The following MECOM variants were observed in gnomAD, a reference collection of about 807,000 sequenced individuals.
The protein encoded by MECOM is histone-lysine N-methyltransferase MECOM.
MECOM carries 13 observed loss-of-function variants against 116.3 expected under a neutral mutation model. The observed-to-expected ratio is 0.11, with a 90% CI of 0.07 to 0.18. The LOEUF (loss-of-function observed/expected upper bound fraction) is 0.18. Among genes scored for constraint, MECOM ranks in the 10% least tolerant of loss-of-function variants. The probability of loss-of-function intolerance (pLI) is 1.00; values close to 1 mark genes in which losing one functional copy is unlikely to be tolerated. For missense variants in MECOM, 1,299 were observed against 1,509.0 expected (o/e 0.86, Z 2.31); for synonymous variants, 528 against 535.2 (o/e 0.99, Z 0.19).
Position 169,115,576 on chromosome 3 carries a change from C to G in MECOM, c.2296G>C (p.Ala766Pro). The G allele has an allele frequency of 6.2e-7, 1 of 1,614,100 alleles. No individual in the cohort carries two copies. The highest frequency in any genetic ancestry group is 8.5e-7 in the Non-Finnish European group (1 of 1,180,026). Residue 766 changes from alanine to proline, a missense_variant, in exon 8 of 17, where the codon GCC (alanine) becomes CCC (proline). Around this residue, in one of 6 missense-constraint regions of MECOM, gnomAD observed 340 missense variants for 312.6 expected, o/e 1.09. Transcript: ENST00000651503. ...PVPSKPPVTP[A>P]TSQDQPLDLS... ...TCCAGGGGCTGGTCTTGGCTTGTGG[C>G]AGGTGTCACTGGAGGCTTGGAGGGG...
intron 1 of MECOM, among the ~76,000 whole-genome samples, chr3:169,392,753 T>C (rs1305672330): frequency 6.6e-6 from 1 of 152,194 alleles, no homozygotes; most frequent in African/African-American, 2.4e-5. Context: ...ACCTCTATCC[T>C]TAAGTTTGCT....
In MECOM at chr3:169,296,298, A is replaced by G. The variant is rs574948385; in HGVS notation, c.375+84889T>C. Reference sequence around the variant, plus strand: ...CAGCAGGACAGACAAGTGGCATCCTATAACACTCCCAGATCTGTGAGAACA... The same window carrying G: ...CAGCAGGACAGACAAGTGGCATCCTGTAACACTCCCAGATCTGTGAGAACA... On this transcript the variant is annotated intron_variant, in intron 2 of 16. Transcript: ENST00000651503. Among the ~76,000 whole-genome samples the G allele has an allele frequency of 3.9e-5, 6 of 152,306 alleles. No homozygotes were observed. In the South Asian group the frequency reaches 1.2e-3, roughly 32 times the overall value.
chr3:169,559,066 AC>A (rs1262200763), intron 1 of MECOM, among the ~76,000 whole-genome samples: 2 of 151,888 alleles, frequency 1.3e-5, no homozygotes, highest in Non-Finnish European at 2.9e-5. Flanking sequence ...ACACACACAC[AC>A]AAGTATGCAT....
At chr3:169,630,904 G>A (rs962637688) in intron 1 of MECOM, among the ~76,000 whole-genome samples, 2 of 152,202 alleles carry the variant, frequency 1.3e-5, no homozygotes, top group South Asian at 4.1e-4. Context: ...AATTACAGGC[G>A]TGAGCCACTC....
chr3:169,471,492 T>C (rs976745483), intron 1 of MECOM, among the ~76,000 whole-genome samples: 4 of 152,186 alleles, frequency 2.6e-5, no homozygotes, highest in Non-Finnish European at 5.9e-5. Flanking sequence ...AGAACACTGA[T>C]GAAAACTAAG....
At chr3:169,328,591 CTA>C (rs1211873328) in intron 2 of MECOM, among the ~76,000 whole-genome samples, 1 of 152,164 alleles carries the variant, frequency 6.6e-6, no homozygotes, top group East Asian at 1.9e-4. Context: ...TAACCAATGT[CTA>C]TGAATGTATA....
chr3:169,310,365 G>T (rs1236296599), intron 2 of MECOM, among the ~76,000 whole-genome samples: 1 of 152,126 alleles, frequency 6.6e-6, no homozygotes, highest in African/African-American at 2.4e-5. Context: ...TTATGAAATC[G>T]CTGATACTCA....
chr3:169,371,363 G>A (rs1214524123), intron 2 of MECOM, among the ~76,000 whole-genome samples: 1 of 151,906 alleles, frequency 6.6e-6, no homozygotes, highest in African/African-American at 2.4e-5. Flanking sequence ...GGAGGTAGGG[G>A]AAATGGGGAG....
At chr3:169,137,472 T>C (rs1235396165) in intron 3 of MECOM, among the ~76,000 whole-genome samples, 1 of 152,136 alleles carries the variant, frequency 6.6e-6, no homozygotes, top group East Asian at 1.9e-4. Flanking sequence ...CAGAGATTGA[T>C]GACTGAACAT....
intron 2 of MECOM, among the ~76,000 whole-genome samples, chr3:169,288,690 C>CTG (rs776240046): frequency 7.2e-5 from 11 of 151,900 alleles, no homozygotes; most frequent in Admixed American, 2.0e-4. Flanking sequence ...GCGTGTGCGT[C>CTG]TGTGTGTGTG....
intron 2 of MECOM, among the ~76,000 whole-genome samples, chr3:169,259,273 A>G (rs1309714402): frequency 1.3e-5 from 2 of 152,122 alleles, no homozygotes; most frequent in Admixed American, 6.5e-5. Flanking sequence ...ACAACTGTTC[A>G]TAGTTAAATC....
chr3:169,647,860 C>A (rs1345614798), intron 1 of MECOM, among the ~76,000 whole-genome samples: 1 of 152,202 alleles, frequency 6.6e-6, no homozygotes, highest in South Asian at 2.1e-4. Context: ...TAATGCCCTG[C>A]AGAAGGATAC....
At chr3:169,593,088 G>A (rs1003160569) in intron 1 of MECOM, among the ~76,000 whole-genome samples, 4 of 152,080 alleles carry the variant, frequency 2.6e-5, no homozygotes, top group Admixed American at 1.3e-4. Context: ...AAGGGGTCTC[G>A]CTATGTTGCC....
At chr3:169,301,751 T>C (rs916168279) in intron 2 of MECOM, among the ~76,000 whole-genome samples, 3 of 152,228 alleles carry the variant, frequency 2.0e-5, no homozygotes, top group African/African-American at 4.8e-5. Context: ...GTAAAGTATA[T>C]TTATAGGATT....
chr3:169,217,393 C>T (rs1751544738), intron 2 of MECOM, among the ~76,000 whole-genome samples: 2 of 152,192 alleles, frequency 1.3e-5, no homozygotes, highest in East Asian at 3.9e-4. Context: ...TAACACTGCT[C>T]AAGTTCAGAA....
Position 169,454,387 on chromosome 3 carries a change from C to T in MECOM, c.38-72863G>A, listed in dbSNP as rs1380728325. Among the ~76,000 whole-genome samples, 3 of 53,972 alleles carry T rather than the reference C, an allele frequency of 5.6e-5. No individual in the cohort carries two copies. The South Asian group carries it at 2.7e-3, about 48-fold the overall frequency. The allele number at this position is 53,972 out of a possible 152,430, so 35.4% of individuals were successfully genotyped here. On this transcript the variant is annotated intron_variant, in intron 1 of 16. Coordinates refer to ENST00000651503, the MANE Select transcript of MECOM (RefSeq NM_004991.4). The stretch of plus-strand genomic sequence containing the variant: ...TGATGGTAATGTAGCAACTTTCTTT[C>T]AGGAAAAAAAAAAAAAAAAAAAGCC...
intron 2 of MECOM, among the ~76,000 whole-genome samples, chr3:169,333,777 C>T (rs922644249): frequency 6.6e-6 from 1 of 152,062 alleles, no homozygotes. Context: ...TTCTACATAA[C>T]AACTGTGCTT....
chr3:169,586,003 CA>C (rs1305278667), intron 1 of MECOM, among the ~76,000 whole-genome samples: 1 of 152,194 alleles, frequency 6.6e-6, no homozygotes, highest in Non-Finnish European at 1.5e-5. Flanking sequence ...CAAGACTCTA[CA>C]ACCACAAAAT....
intron 1 of MECOM, among the ~76,000 whole-genome samples, chr3:169,529,494 T>C (rs1417891120): frequency 2.0e-5 from 3 of 152,150 alleles, no homozygotes; most frequent in Non-Finnish European, 4.4e-5. Context: ...CCATATCCTG[T>C]AGCATTTACC....
Sources: gnomAD v4.1 joint callset for allele counts (sites outside exome capture counted in the v4.1 genomes callset) on GRCh38, gnomAD v4.1.1 for gene constraint, gnomAD v4.1.1 regional missense constraint, MANE v1.5 for transcripts, NCBI Gene and HGNC (gene_info 2026-07-23, HGNC 2026-07-21) for gene names.